Variants in TEX11 observed in about 807,000 individuals in gnomAD.
The protein encoded by TEX11 is testis expressed 11, also known as testis-expressed protein 11.
Under a neutral mutation model 84.4 loss-of-function variants are expected in TEX11, and 7 were observed. The ratio of observed to expected loss-of-function variants is 0.08; its 90% CI spans 0.05 to 0.16. The LOEUF is 0.16. Among genes scored for constraint, TEX11 ranks in the 10% least tolerant of loss-of-function variants. The pLI is 1.00. For synonymous variants in TEX11, 264 were observed against 222.8 expected, an observed-to-expected ratio of 1.18 and a Z score of -1.64; for missense variants, 551 against 660.5, an observed-to-expected ratio of 0.83 and a Z score of 1.82.
intron 17 of TEX11, among the ~76,000 whole-genome samples, chrX:70,642,735 ACT>A (rs1479836590): frequency 1.6e-5 from 1 of 61,310 alleles, no homozygotes; most frequent in Non-Finnish European, 3.0e-5. Context: ...CATGCTAAAA[ACT>A]CTCAATAAAT....
At chrX:70,785,634 C>T (rs1431346435) in intron 9 of TEX11, among the ~76,000 whole-genome samples, 1 of 112,035 alleles carries the variant, frequency 8.9e-6, no homozygotes, top group African/African-American at 3.2e-5. Flanking sequence ...AAAAATCAAA[C>T]AGCCCCATCA....
intron 16 of TEX11, among the ~76,000 whole-genome samples, chrX:70,667,787 C>A (rs1390610118): frequency 9.0e-6 from 1 of 110,901 alleles, no homozygotes; most frequent in Non-Finnish European, 1.9e-5. Context: ...ATTACCCAGG[C>A]GTGGTGGCCC....
rs1483378881 is a variant in TEX11, at chrX:70,651,468, C to G, written c.1465G>C (p.Glu489Gln). Residue 489 changes from glutamate (E) to glutamine (Q), a missense_variant, in exon 17 of 30, where the codon GAG becomes CAG. Glu to Gln is a conservative substitution (Grantham distance 29). Transcript: ENST00000374333. The stretch of plus-strand genomic sequence containing the variant: ...TTTATACCTCTTTCAGAGTTGCCCT[C>G]TATGACTGCAATCTTGAATATATAA... Reference protein sequence around the residue: ...QFYIFKIAVIEGNSERALQAI... With the variant: ...QFYIFKIAVIQGNSERALQAI... 1 of 1,202,266 alleles carries G rather than the reference C, an allele frequency of 8.3e-7. No individual in the cohort carries two copies.
At chrX:70,770,970 G>C (rs1234315371) in intron 9 of TEX11, among the ~76,000 whole-genome samples, 1 of 111,672 alleles carries the variant, frequency 9.0e-6, no homozygotes, top group Non-Finnish European at 1.9e-5. Context: ...TTTCAGATTA[G>C]TATATAGATA....
intron 25 of TEX11, among the ~76,000 whole-genome samples, chrX:70,583,252 C>T (rs780313308): frequency 9.0e-6 from 1 of 110,989 alleles, no homozygotes; most frequent in South Asian, 3.8e-4. Flanking sequence ...CCTTTAACCC[C>T]CTCCCACCAT....
chrX:70,867,036 G>A (rs1236381556), intron 4 of TEX11, among the ~76,000 whole-genome samples: 1 of 111,755 alleles, frequency 8.9e-6, no homozygotes, highest in Non-Finnish European at 1.9e-5. Flanking sequence ...AATCAGGCAA[G>A]AGAAAGAAAT....
chrX:70,611,428 C>A (rs1473981651), intron 20 of TEX11, among the ~76,000 whole-genome samples: 1 of 111,816 alleles, frequency 8.9e-6, no homozygotes, highest in Non-Finnish European at 1.9e-5. Flanking sequence ...AACTGACAAA[C>A]CACTGGAGGC....
At chrX:70,824,534 C>T (rs2091334636) in intron 8 of TEX11, among the ~76,000 whole-genome samples, 1 of 110,526 alleles carries the variant, frequency 9.0e-6, no homozygotes, top group South Asian at 3.9e-4. Context: ...GGGCAAACTC[C>T]CACTGCTTTT....
At chrX:70,881,005 CAAAAAAAAAAA>C (rs11284342) in intron 2 of TEX11, among the ~76,000 whole-genome samples, 14,082 of 46,658 alleles carry the variant, frequency 0.3, 1,234 homozygotes, top group Middle Eastern at 0.53. Flanking sequence ...AGACATCATC[CAAAAAAAAAAA>C]AAAAAAAAAA....
intron 13 of TEX11, among the ~76,000 whole-genome samples, chrX:70,719,999 A>AC (rs2090543058): frequency 9.0e-6 from 1 of 111,690 alleles, no homozygotes; most frequent in Non-Finnish European, 1.9e-5. Context: ...ATACCATTTG[A>AC]CCCAGCCATC....
chrX:70,824,178 T>C (rs2091332808), intron 8 of TEX11, among the ~76,000 whole-genome samples: 1 of 111,225 alleles, frequency 9.0e-6, no homozygotes, highest in South Asian at 3.7e-4. Context: ...AGAAGGCAAA[T>C]AAAGGAAGAA....
At chrX:70,905,708 T>C in intron 2 of TEX11, among the ~76,000 whole-genome samples, 1 of 110,361 alleles carries the variant, frequency 9.1e-6, no homozygotes. Flanking sequence ...AATGAAATAC[T>C]ACTCATCAGC....
intron 25 of TEX11, among the ~76,000 whole-genome samples, chrX:70,564,554 C>T (rs894130145): frequency 3.6e-4 from 29 of 80,572 alleles, no homozygotes; most frequent in African/African-American, 1.3e-3. Context: ...TCCCTCGCCC[C>T]TCCCCCCACC....
At chrX:70,731,616 C>T (rs1370095770) in intron 11 of TEX11, among the ~76,000 whole-genome samples, 2 of 111,017 alleles carry the variant, frequency 1.8e-5, no homozygotes, top group East Asian at 2.8e-4. Flanking sequence ...AGAAGTTGAA[C>T]CTCTGAATAG....
At chrX:70,750,041 T>A (rs1302447850) in intron 9 of TEX11, among the ~76,000 whole-genome samples, 4 of 110,565 alleles carry the variant, frequency 3.6e-5, no homozygotes, top group Non-Finnish European at 7.6e-5. Context: ...AGGGCTAATA[T>A]CCAGAATCTA....
intron 14 of TEX11, 57 bp downstream of exon 14, chrX:70,682,617 C>CT (rs1476582779): frequency 6.1e-6 from 7 of 1,144,787 alleles, no homozygotes; most frequent in Non-Finnish European, 8.2e-6. Context: ...ACTCTGACAT[C>CT]TAAGAATTAT....
At chrX:70,720,383 G>A (rs1332466104) in intron 13 of TEX11, among the ~76,000 whole-genome samples, 2 of 110,717 alleles carry the variant, frequency 1.8e-5, no homozygotes, top group African/African-American at 6.6e-5. Context: ...GTGGGAGAAG[G>A]GGGTAGGGAT....
At chrX:70,525,842 T>A (rs2087817338), downstream of TEX11, among the ~76,000 whole-genome samples, 1 of 112,065 alleles carries the variant, frequency 8.9e-6, no homozygotes, top group Non-Finnish European at 1.9e-5. Context: ...TTCTCAAAGA[T>A]AAGTAGGAGC....
At chrX:70,730,811 C>T (rs1426978820) in intron 11 of TEX11, among the ~76,000 whole-genome samples, 1 of 111,947 alleles carries the variant, frequency 8.9e-6, no homozygotes, top group Non-Finnish European at 1.9e-5. Flanking sequence ...ACCTAATAGA[C>T]ATCTACAGAA....
Sources: allele counts gnomAD v4.1 joint callset (sites outside exome capture counted in the v4.1 genomes callset), GRCh38; gene constraint gnomAD v4.1.1; transcripts MANE v1.5; gene names NCBI Gene and HGNC (gene_info 2026-07-23, HGNC 2026-07-21).